DPP6: variants seen among roughly 807,000 people sequenced by gnomAD.
DPP6 encodes dipeptidyl peptidase like 6.
In DPP6, 69 loss-of-function variants were observed where a neutral mutation model predicts 122.6. The ratio of observed to expected loss-of-function variants is 0.56; its 90% CI spans 0.46 to 0.69. The LOEUF is 0.69. Among genes scored for constraint, DPP6 ranks in the 30% least tolerant of loss-of-function variants. The probability of loss-of-function intolerance (pLI) is 0.00; values close to 1 mark genes in which losing one functional copy is unlikely to be tolerated. For synonymous variants in DPP6, 418 were observed against 433.1 expected (o/e 0.97, Z 0.43); for missense variants, 928 against 1,116.9 (o/e 0.83, Z 2.41).
At chr7:153,928,997 G>A (rs967610963) in intron 1 of DPP6, among the ~76,000 whole-genome samples, 6 of 151,906 alleles carry the variant, frequency 3.9e-5, no homozygotes, top group African/African-American at 7.3e-5. Context: ...CAGAGAGAGC[G>A]CGGAGGGCCA....
chr7:153,852,387 G>C, the DPP6 span, among the ~76,000 whole-genome samples: 1 of 152,070 alleles, frequency 6.6e-6, no homozygotes. Context: ...GAAGGCAAAG[G>C]GGGAGCAGGC....
chr7:154,606,572 A>T (rs558571066), intron 5 of DPP6, among the ~76,000 whole-genome samples: 1 of 120,746 alleles, frequency 8.3e-6, no homozygotes, highest in South Asian at 3.3e-4. Flanking sequence ...TTAAACATCT[A>T]ACTTAAAGGA....
At chr7:154,752,532 G>T (rs192003187) in intron 8 of DPP6, among the ~76,000 whole-genome samples, 2 of 152,174 alleles carry the variant, frequency 1.3e-5, no homozygotes, top group Non-Finnish European at 2.9e-5. Flanking sequence ...CTGGAAGAAC[G>T]TAAGTGTACA....
intron 1 of DPP6, among the ~76,000 whole-genome samples, chr7:154,396,836 T>G (rs1815130098): frequency 6.6e-6 from 1 of 152,190 alleles, no homozygotes; most frequent in South Asian, 2.1e-4. Flanking sequence ...TGCCAGCTAC[T>G]CAGGAGGCCA....
chr7:154,734,207 A>G (rs944101695), intron 8 of DPP6, among the ~76,000 whole-genome samples: 1 of 152,216 alleles, frequency 6.6e-6, no homozygotes, highest in African/African-American at 2.4e-5. Flanking sequence ...CTGGCCTCAA[A>G]CTTGTGTGCT....
At chr7:154,186,350 T>C (rs1347903191) in intron 1 of DPP6, among the ~76,000 whole-genome samples, 1 of 152,248 alleles carries the variant, frequency 6.6e-6, no homozygotes, top group South Asian at 2.1e-4. Flanking sequence ...CTTGTAGATA[T>C]GGTGATGAAC....
At chr7:154,283,414 T>A (rs990829419) in intron 1 of DPP6, among the ~76,000 whole-genome samples, 2 of 152,012 alleles carry the variant, frequency 1.3e-5, no homozygotes, top group Admixed American at 6.6e-5. Context: ...TTAGAATGCC[T>A]AGAACACGGT....
chr7:154,667,979 G>A (rs1402427981), intron 6 of DPP6, among the ~76,000 whole-genome samples: 3 of 151,110 alleles, frequency 2.0e-5, no homozygotes, highest in Admixed American at 1.3e-4. Context: ...TACTCTAAAT[G>A]TAGTCCTTGT....
intron 1 of DPP6, among the ~76,000 whole-genome samples, chr7:153,926,628 A>T (rs952873313): frequency 1.1e-4 from 17 of 152,124 alleles, no homozygotes; most frequent in African/African-American, 4.1e-4. Context: ...TACACATTTT[A>T]TCTCCCTGAT....
At chr7:154,476,638 G>A (rs1345891096) in intron 3 of DPP6, among the ~76,000 whole-genome samples, 6 of 152,192 alleles carry the variant, frequency 3.9e-5, no homozygotes, top group South Asian at 2.1e-4. Flanking sequence ...GTCTTAAAGC[G>A]ATGGCTAGGA....
intron 10 of DPP6, among the ~76,000 whole-genome samples, chr7:154,779,927 C>T (rs1223169509): frequency 2.6e-5 from 4 of 152,088 alleles, no homozygotes; most frequent in South Asian, 2.1e-4. Flanking sequence ...TTTTTTTGGA[C>T]GTGGTCTGGA....
chr7:154,065,615 A>G (rs1402080670), intron 1 of DPP6, among the ~76,000 whole-genome samples: 1 of 151,940 alleles, frequency 6.6e-6, no homozygotes, highest in African/African-American at 2.4e-5. Context: ...CCGAGAGCAG[A>G]AATTGTAAGC....
At chr7:154,198,630 A>G (rs1454216842) in intron 1 of DPP6, among the ~76,000 whole-genome samples, 1 of 152,138 alleles carries the variant, frequency 6.6e-6, no homozygotes, top group Non-Finnish European at 1.5e-5. Flanking sequence ...CACATATTTT[A>G]AATTTATTCC....
chr7:154,728,459 G>A (rs1000422947), intron 8 of DPP6, among the ~76,000 whole-genome samples: 7 of 152,344 alleles, frequency 4.6e-5, no homozygotes, highest in African/African-American at 1.7e-4. Flanking sequence ...CTAGAAGTCA[G>A]AGGGGGAAGC....
At chr7:154,843,594 T>G (rs1401888013) in intron 16 of DPP6, among the ~76,000 whole-genome samples, 2 of 151,944 alleles carry the variant, frequency 1.3e-5, no homozygotes, top group Non-Finnish European at 2.9e-5. Flanking sequence ...TCACAGAGAG[T>G]TGTGACGAGG....
the DPP6 span, among the ~76,000 whole-genome samples, chr7:153,774,233 C>A: frequency 6.6e-6 from 1 of 152,092 alleles, no homozygotes; most frequent in Admixed American, 6.6e-5. Context: ...GCTACAAGTC[C>A]GAAGGCTTTT....
intron 1 of DPP6, among the ~76,000 whole-genome samples, chr7:154,208,878 A>T (rs1799591477): frequency 6.6e-6 from 1 of 152,202 alleles, no homozygotes; most frequent in South Asian, 2.1e-4. Flanking sequence ...CATATTAAAT[A>T]TGTAGGCTTT....
At chr7:154,324,796 T>C (rs936734370) in intron 1 of DPP6, among the ~76,000 whole-genome samples, 16 of 152,008 alleles carry the variant, frequency 1.1e-4, no homozygotes, top group African/African-American at 3.9e-4. Context: ...TGGTCCGTCC[T>C]CACAAACTCT....
At chr7:154,468,152 G>A (rs189595357) in intron 2 of DPP6, among the ~76,000 whole-genome samples, 116 of 152,276 alleles carry the variant, frequency 7.6e-4, no homozygotes, top group African/African-American at 2.6e-3. Context: ...CATTCTGTAC[G>A]TATTACAACA....
Sources: gnomAD v4.1 joint callset for allele counts (sites outside exome capture counted in the v4.1 genomes callset) on GRCh38, gnomAD v4.1.1 for gene constraint, MANE v1.5 for transcripts, NCBI Gene and HGNC (gene_info 2026-07-23, HGNC 2026-07-21) for gene names.